MINAR1: variants seen among roughly 807,000 people sequenced by gnomAD.
MINAR1 encodes the protein major intrinsically disordered Notch2-binding receptor 1.
Under a neutral mutation model 65.1 loss-of-function variants are expected in MINAR1, and 40 were observed. The ratio of observed to expected loss-of-function variants is 0.61; its 90% CI spans 0.48 to 0.80. The LOEUF (loss-of-function observed/expected upper bound fraction) is 0.80. Ranked by LOEUF, MINAR1 falls within the 30% of genes least tolerant of loss-of-function variation. The pLI is 0.00. For synonymous variants in MINAR1, 482 were observed against 449.1 expected, an observed-to-expected ratio of 1.07 and a Z score of -0.93; for missense variants, 1,128 against 1,148.0, an observed-to-expected ratio of 0.98 and a Z score of 0.25.
chr15:79,441,005 C>G (rs1894854518), intron 1 of MINAR1, among the ~76,000 whole-genome samples: 1 of 152,110 alleles, frequency 6.6e-6, no homozygotes, highest in Non-Finnish European at 1.5e-5. Flanking sequence ...ACAAAAGAAA[C>G]ATTTTTGAAT....
intron 1 of MINAR1, among the ~76,000 whole-genome samples, chr15:79,435,276 CA>C (rs35709335): frequency 0.15 from 21,001 of 140,582 alleles, 1,515 homozygotes; most frequent in South Asian, 0.2. Context: ...AAATCCGTCT[CA>C]AAAAAAAAAA....
At chr15:79,416,433 C>G in the MINAR1 span, 1 of 152,322 alleles carries the variant, frequency 6.6e-6, no homozygotes, top group East Asian at 1.9e-4. Context: ...ATGAGAAATT[C>G]CTAGCTTGCC....
In MINAR1 at chr15:79,463,348, G is replaced by A. The variant is rs575792613; in HGVS notation, c.2553+27G>A. On this transcript the variant is annotated intron_variant, in intron 3 of 3. Transcript: ENST00000305428. The stretch of plus-strand genomic sequence containing the variant: ...TGAGCCTCTCACTGTCCCTGGGTGG[G>A]GGAAGCCCAGCTGTGCCCTGGCAAA... 19 of 1,606,216 alleles carry A rather than the reference G, an allele frequency of 1.2e-5. No homozygotes were observed. The African/African-American group carries it at 1.9e-4, about 16-fold the overall frequency.
intron 1 of MINAR1, among the ~76,000 whole-genome samples, chr15:79,452,733 TGG>T (rs1240631873): frequency 1.6e-4 from 17 of 103,274 alleles, no homozygotes; most frequent in Admixed American, 1.4e-3. Context: ...TGAGTCTGTG[TGG>T]GTGTGTGGGG....
upstream of MINAR1, among the ~76,000 whole-genome samples, chr15:79,431,512 T>TG (rs1261340803): frequency 6.9e-3 from 842 of 122,752 alleles, 20 homozygotes; most frequent in East Asian, 0.068. Context: ...TGTGTGTGTG[T>TG]GTGGGGGGGG....
intron 2 of MINAR1, among the ~76,000 whole-genome samples, chr15:79,460,175 A>G (rs2141299496): frequency 6.6e-6 from 1 of 152,248 alleles, no homozygotes; most frequent in South Asian, 2.1e-4. Flanking sequence ...CCCCTTCTGC[A>G]ACCTCATTTC....
At position 79,456,767 on chromosome 15, in the gene MINAR1, A is replaced by T; in HGVS notation, c.620A>T (p.Gln207Leu). The change falls in exon 2 of 4, where the codon CAG becomes CTG. Residue 207 changes from glutamine (Q) to leucine (L), a missense_variant. Coordinates refer to ENST00000305428, the MANE Select transcript of MINAR1 (RefSeq NM_015206.3). Reference sequence around the variant, plus strand: ...GCTCCGTACTCTGTGACCAGCCCTCAGCCCTGTGAGATGCAGAGGACCTAC... The same window carrying T: ...GCTCCGTACTCTGTGACCAGCCCTCTGCCCTGTGAGATGCAGAGGACCTAC... ...ALAPYSVTSPQPCEMQRTYFP... is the reference protein window; with the variant it reads ...ALAPYSVTSPLPCEMQRTYFP... 3 of 1,614,194 alleles carry T rather than the reference A, an allele frequency of 1.9e-6. No individual in the cohort carries two copies. The highest frequency in any genetic ancestry group is 2.5e-6 in the Non-Finnish European group (3 of 1,180,026).
At chr15:79,449,759 A>G (rs1348849648) in intron 1 of MINAR1, among the ~76,000 whole-genome samples, 1 of 152,144 alleles carries the variant, frequency 6.6e-6, no homozygotes, top group African/African-American at 2.4e-5. Context: ...AAGGGACACA[A>G]TCAAACCATA....
chr15:79,428,246 C>CTCCCTCCT (rs1272064856), upstream of MINAR1, among the ~76,000 whole-genome samples: 1,576 of 53,870 alleles, frequency 0.029, 57 homozygotes, highest in African/African-American at 0.097. Flanking sequence ...CCTCCTCTCC[C>CTCCCTCCT]TCCCTCCTTC....
chr15:79,453,714 C>G (rs1468639913), intron 1 of MINAR1, among the ~76,000 whole-genome samples: 1 of 152,198 alleles, frequency 6.6e-6, no homozygotes, highest in Non-Finnish European at 1.5e-5. Context: ...CCACAGACCT[C>G]CTACTTTCAG....
chr15:79,442,106 C>G (rs1398794759), intron 1 of MINAR1, among the ~76,000 whole-genome samples: 1 of 144,740 alleles, frequency 6.9e-6, no homozygotes, highest in Non-Finnish European at 1.5e-5. Flanking sequence ...CAATTTTTAT[C>G]TATCCAAACC....
intron 1 of MINAR1, among the ~76,000 whole-genome samples, chr15:79,443,503 A>G (rs796265494): frequency 4.6e-5 from 7 of 152,304 alleles, no homozygotes; most frequent in African/African-American, 9.6e-5. Flanking sequence ...CAAACCTGGT[A>G]TATTTCATTT....
chr15:79,450,545 A>G (rs1895157893), intron 1 of MINAR1, among the ~76,000 whole-genome samples: 1 of 152,066 alleles, frequency 6.6e-6, no homozygotes, highest in South Asian at 2.1e-4. Flanking sequence ...TAAAAAAAAA[A>G]AAAAGCTGAA....
chr15:79,434,544 G>C (rs1894540908), intron 1 of MINAR1, among the ~76,000 whole-genome samples: 2 of 152,202 alleles, frequency 1.3e-5, no homozygotes, highest in African/African-American at 2.4e-5. Flanking sequence ...CTCTGTGCCT[G>C]CTGGGCAGGG....
chr15:79,463,480 C>T (rs1024773342), intron 3 of MINAR1, among the ~76,000 whole-genome samples, 159 bp downstream of exon 3: 3 of 152,206 alleles, frequency 2.0e-5, no homozygotes, highest in Non-Finnish European at 4.4e-5. Context: ...AATCATAGAG[C>T]AGAAGAGACT....
chr15:79,440,690 C>G (rs147648887), intron 1 of MINAR1, among the ~76,000 whole-genome samples: 2 of 152,136 alleles, frequency 1.3e-5, no homozygotes, highest in African/African-American at 2.4e-5. Flanking sequence ...CAGGCAGGCA[C>G]GTGGTTTGCT....
At chr15:79,459,310 T>G (rs1460552827) in intron 2 of MINAR1, among the ~76,000 whole-genome samples, 1 of 152,244 alleles carries the variant, frequency 6.6e-6, no homozygotes, top group Non-Finnish European at 1.5e-5. Flanking sequence ...TCACGTAAGC[T>G]CTGTGCTTTT....
the MINAR1 span, chr15:79,413,300 A>T: frequency 3.9e-5 from 6 of 152,236 alleles, no homozygotes; most frequent in Non-Finnish European, 8.8e-5. Flanking sequence ...CCTTCAAAGC[A>T]CTGGCAGGTC....
chr15:79,452,779 C>A (rs1414579719), intron 1 of MINAR1, among the ~76,000 whole-genome samples: 1 of 143,240 alleles, frequency 7.0e-6, no homozygotes, highest in Non-Finnish European at 1.5e-5. Context: ...GTGTGCGTGT[C>A]TGTGTCTAGG....
Sources: allele counts gnomAD v4.1 joint callset (sites outside exome capture counted in the v4.1 genomes callset), GRCh38; gene constraint gnomAD v4.1.1; transcripts MANE v1.5; gene names NCBI Gene and HGNC (gene_info 2026-07-23, HGNC 2026-07-21).